IL19: variants seen among roughly 807,000 people sequenced by gnomAD.
IL19 encodes interleukin 19.
Under a neutral mutation model 19.5 loss-of-function variants are expected in IL19, and 15 were observed. That is an observed-to-expected ratio of 0.77 (90% CI 0.52 to 1.19). The LOEUF is 1.19. IL19 is among the 50% of genes most tolerant of loss of function. The pLI is 0.00. For missense variants in IL19, 199 were observed against 213.1 expected (o/e 0.93, Z 0.41); for synonymous variants, 78 against 78.3 (o/e 1.00, Z 0.02).
intron 2 of IL19, among the ~76,000 whole-genome samples, chr1:206,810,960 G>C (rs764108011): frequency 2.0e-5 from 3 of 152,194 alleles, no homozygotes; most frequent in Non-Finnish European, 4.4e-5. Flanking sequence ...TTTCCACCAT[G>C]ATTGGATTCT....
At chr1:206,772,898 C>T (rs1343079922) in intron 1 of IL19, among the ~76,000 whole-genome samples, 2 of 152,136 alleles carry the variant, frequency 1.3e-5, no homozygotes, top group Non-Finnish European at 2.9e-5. Flanking sequence ...TTGGGTCCCC[C>T]CAACCTGGGA....
At chr1:206,838,848 T>C (rs1345690257) in intron 4 of IL19, among the ~76,000 whole-genome samples, 2 of 151,666 alleles carry the variant, frequency 1.3e-5, no homozygotes, top group South Asian at 2.1e-4. Context: ...TTTTCTGCAG[T>C]GTTCCTTTTT....
At chr1:206,808,500 C>CGTGTGTGTGT (rs36044951) in intron 2 of IL19, among the ~76,000 whole-genome samples, 2,747 of 148,688 alleles carry the variant, frequency 0.018, 42 homozygotes, top group African/African-American at 0.022. Flanking sequence ...TGTGTGTGTG[C>CGTGTGTGTGT]GTGTGTGTGT....
chr1:206,834,110 C>T (rs900187113), intron 2 of IL19: 2 of 985,340 alleles, frequency 2.0e-6, no homozygotes, highest in African/African-American at 1.7e-5. Context: ...TTCTCATTTG[C>T]ATGGAGATGG....
At chr1:206,775,432 T>C (rs1342900641) in intron 1 of IL19, among the ~76,000 whole-genome samples, 3 of 152,178 alleles carry the variant, frequency 2.0e-5, no homozygotes, top group Admixed American at 2.0e-4. Flanking sequence ...TCTTTCCCCA[T>C]TGATTTGAAA....
At chr1:206,804,559 A>G (rs1234903000) in intron 2 of IL19, among the ~76,000 whole-genome samples, 1 of 152,184 alleles carries the variant, frequency 6.6e-6, no homozygotes, top group Non-Finnish European at 1.5e-5. Context: ...TCTTTAAGCA[A>G]CAAGCTTTTA....
chr1:206,789,656 G>A (rs1675346930), intron 1 of IL19, among the ~76,000 whole-genome samples: 1 of 151,984 alleles, frequency 6.6e-6, no homozygotes, highest in Admixed American at 6.6e-5. Flanking sequence ...GTGTCATGGG[G>A]GTTTGTTGTC....
intron 2 of IL19, among the ~76,000 whole-genome samples, chr1:206,808,488 A>G (rs928182618): frequency 3.9e-5 from 5 of 127,308 alleles, no homozygotes; most frequent in African/African-American, 1.5e-4. Flanking sequence ...TATGAAGGGA[A>G]TTGTGTGTGT....
At position 206,777,267 on chromosome 1, in the gene IL19, T is replaced by G. The variant is rs1471077262; in HGVS notation, c.-149+6189T>G. 2.7e-4 allele frequency among the ~76,000 whole-genome samples: 23 copies of G among 85,106 alleles called. 2 individuals are homozygous for G. Among genetic ancestry groups the G allele is most frequent in the East Asian group, 1.1e-3 (3 of 2,682 alleles). The allele number at this position is 85,106 out of a possible 152,430, so 55.8% of individuals were successfully genotyped here. A position where few individuals can be genotyped will look rare whatever the true frequency, so the allele number is the denominator to read the frequency against. ...AAAAAAAAAAAAAAATTTAGCTAGG[T>G]GTGGTGGTTGGCGCCTGTAGTCCCA... is the stretch of plus-strand genomic sequence containing the variant. On this transcript the variant is annotated intron_variant, in intron 1 of 6. Transcript: ENST00000659997.
At chr1:206,827,003 A>G (rs1676455601) in intron 2 of IL19, among the ~76,000 whole-genome samples, 1 of 152,240 alleles carries the variant, frequency 6.6e-6, no homozygotes, top group South Asian at 2.1e-4. Flanking sequence ...TGTGGGTGAC[A>G]CATTGCCTAG....
chr1:206,836,920 C>A, intron 3 of IL19, 38 bp from the exon 4 acceptor site: 1 of 1,601,786 alleles, frequency 6.2e-7, no homozygotes, highest in Non-Finnish European at 8.6e-7. Flanking sequence ...ACATAGGATA[C>A]CGATTGCTTA....
chr1:206,790,340 G>GA (rs932200159), intron 1 of IL19, among the ~76,000 whole-genome samples: 4 of 151,680 alleles, frequency 2.6e-5, no homozygotes, highest in African/African-American at 4.8e-5. Flanking sequence ...CAGTATCCCA[G>GA]AAAAAAAACT....
rs184136314 is a variant in IL19 at position 206,810,782 on chromosome 1, A to G, written c.-3+11776A>G. On this transcript the variant is annotated intron_variant, in intron 2 of 6. Transcript: ENST00000659997. ...AATGCTGGAGTTGGAGGTGGGGCCT[A>G]CTGGGAAGTGTTTGGGTCAGGGGGA... Among the ~76,000 whole-genome samples, 252 of 152,298 alleles carry G rather than the reference A, an allele frequency of 1.7e-3. 3 individuals carry two copies. Among genetic ancestry groups the G allele is most frequent in the African/African-American group, 5.9e-3 (245 of 41,570 alleles).
At chr1:206,821,290 A>C (rs1176773335) in intron 2 of IL19, among the ~76,000 whole-genome samples, 1 of 152,240 alleles carries the variant, frequency 6.6e-6, no homozygotes, top group Non-Finnish European at 1.5e-5. Context: ...GCACCTGTAA[A>C]GAGCCACAGT....
chr1:206,832,024 G>A (rs1159957068), intron 2 of IL19, among the ~76,000 whole-genome samples: 3 of 152,218 alleles, frequency 2.0e-5, no homozygotes, highest in African/African-American at 4.8e-5. Context: ...ATTCTCACAT[G>A]TGCAGAGGGA....
intron 2 of IL19, among the ~76,000 whole-genome samples, chr1:206,816,872 C>G (rs1229002007): frequency 6.6e-6 from 1 of 152,094 alleles, no homozygotes; most frequent in Non-Finnish European, 1.5e-5. Flanking sequence ...TGAACTGTCC[C>G]TCAGTGAGTT....
intron 1 of IL19, among the ~76,000 whole-genome samples, chr1:206,791,749 A>G (rs770260602): frequency 3.1e-4 from 47 of 152,172 alleles, no homozygotes; most frequent in Non-Finnish European, 4.1e-4. Flanking sequence ...CCCTCATCAG[A>G]GGCTCCTTTC....
intron 2 of IL19, among the ~76,000 whole-genome samples, chr1:206,831,846 C>T (rs572569108): frequency 6.6e-6 from 1 of 152,372 alleles, no homozygotes; most frequent in Non-Finnish European, 1.5e-5. Context: ...GCTATAAACA[C>T]ATCACTTATT....
chr1:206,807,282 A>G (rs377455689), intron 2 of IL19, among the ~76,000 whole-genome samples: 3 of 152,314 alleles, frequency 2.0e-5, no homozygotes, highest in South Asian at 4.1e-4. Flanking sequence ...GATACAGCCA[A>G]ACCATATCCT....
Sources: gnomAD v4.1 joint callset for allele counts (sites outside exome capture counted in the v4.1 genomes callset) on GRCh38, gnomAD v4.1.1 for gene constraint, MANE v1.5 for transcripts, NCBI Gene and HGNC (gene_info 2026-07-23, HGNC 2026-07-21) for gene names.